Variants in LCORL observed in about 807,000 individuals in gnomAD.
LCORL encodes the protein ligand-dependent nuclear receptor corepressor-like protein.
LCORL carries 41 observed loss-of-function variants against 141.8 expected under a neutral mutation model. The ratio of observed to expected loss-of-function variants is 0.29; its 90% CI spans 0.23 to 0.38. LCORL has a LOEUF of 0.38. LCORL is among the 10% of genes least tolerant of loss of function. The probability of loss-of-function intolerance (pLI) is 1.00; values close to 1 mark genes in which losing one functional copy is unlikely to be tolerated. For synonymous variants in LCORL, 618 were observed against 694.1 expected, an observed-to-expected ratio of 0.89 and a Z score of 1.72; for missense variants, 1,759 against 2,035.0, an observed-to-expected ratio of 0.86 and a Z score of 2.61.
At chr4:17,841,487 T>C (rs549726590) in exon 8 of LCORL, 1 of 152,066 alleles carries the variant, frequency 6.6e-6, no homozygotes, top group African/African-American at 2.4e-5. Flanking sequence ...GATGTTTTCT[T>C]GGGGATAAAT....
At chr4:17,936,956 C>G (rs1736967431) in intron 4 of LCORL, among the ~76,000 whole-genome samples, 1 of 152,178 alleles carries the variant, frequency 6.6e-6, no homozygotes, top group South Asian at 2.1e-4. Context: ...GCTCAATAGT[C>G]ATGGGTCATT....
chr4:18,010,195 T>C (rs981157053), intron 1 of LCORL, among the ~76,000 whole-genome samples: 1 of 152,118 alleles, frequency 6.6e-6, no homozygotes, highest in African/African-American at 2.4e-5. Flanking sequence ...AAAATTATAA[T>C]ACAGAAGAGA....
chr4:17,997,007 CAACT>C (rs1721021297), intron 1 of LCORL, among the ~76,000 whole-genome samples: 1 of 152,162 alleles, frequency 6.6e-6, no homozygotes, highest in South Asian at 2.1e-4. Flanking sequence ...TTATAAGAAA[CAACT>C]AACCCATGAC....
chr4:17,891,008 C>T (rs182054616), intron 5 of LCORL, among the ~76,000 whole-genome samples: 1 of 152,200 alleles, frequency 6.6e-6, no homozygotes, highest in Admixed American at 6.5e-5. Flanking sequence ...TGGCCTTTTG[C>T]TATTCTCCTC....
chr4:17,958,005 C>A (rs1169771533), intron 4 of LCORL, among the ~76,000 whole-genome samples: 1 of 151,914 alleles, frequency 6.6e-6, no homozygotes, highest in African/African-American at 2.4e-5. Flanking sequence ...ATTACTTTAT[C>A]ATCAGTCATA....
chr4:17,871,621 G>A (rs577057610), intron 7 of LCORL, among the ~76,000 whole-genome samples: 1 of 152,044 alleles, frequency 6.6e-6, no homozygotes, highest in Non-Finnish European at 1.5e-5. Flanking sequence ...AGCATGATAT[G>A]AGGATGATAT....
chr4:17,934,840 A>C lies in LCORL; in HGVS notation c.431-25495T>G, dbSNP rs1435186771. On this transcript the variant is annotated intron_variant, in intron 4 of 7. Coordinates refer to ENST00000635767, the Ensembl canonical transcript of LCORL. ...TAAAACTGTTTTTCTTCATAGACTAAAAGCATTCACGAAACATGGTATCAA... is the reference window on the plus strand; with the variant it reads ...TAAAACTGTTTTTCTTCATAGACTACAAGCATTCACGAAACATGGTATCAA... 5.9e-5 allele frequency among the ~76,000 whole-genome samples: 9 copies of C among 152,320 alleles called. No individual in the cohort carries two copies. In the South Asian group the frequency reaches 6.2e-4, roughly 11 times the overall value.
chr4:18,000,828 G>T (rs1053868946), intron 1 of LCORL, among the ~76,000 whole-genome samples: 29 of 152,174 alleles, frequency 1.9e-4, no homozygotes, highest in African/African-American at 6.5e-4. Context: ...TCTTGATCTG[G>T]TGGTGGTTAT....
intron 6 of LCORL, among the ~76,000 whole-genome samples, chr4:17,880,022 T>C (rs1479609579): frequency 2.0e-5 from 3 of 151,056 alleles, no homozygotes; most frequent in African/African-American, 7.3e-5. Context: ...ACCACTGCTT[T>C]TTATATCCCT....
At chr4:17,954,576 C>A (rs1288611670) in intron 4 of LCORL, among the ~76,000 whole-genome samples, 3 of 94,204 alleles carry the variant, frequency 3.2e-5, no homozygotes, top group Non-Finnish European at 4.6e-5. Flanking sequence ...GCATAGAAAG[C>A]TGAATTGGTA....
At chr4:17,896,210 T>C (rs1240123975) in intron 5 of LCORL, among the ~76,000 whole-genome samples, 1 of 152,206 alleles carries the variant, frequency 6.6e-6, no homozygotes, top group Non-Finnish European at 1.5e-5. Flanking sequence ...TTGTATCTTT[T>C]AGATTCTAGC....
intron 7 of LCORL, among the ~76,000 whole-genome samples, chr4:17,853,894 TA>T (rs137986930): frequency 0.21 from 31,257 of 151,996 alleles, 3,774 homozygotes; most frequent in African/African-American, 0.33. Context: ...TAGGAGTATT[TA>T]AAAAAAGTGA....
At chr4:17,941,683 T>C (rs1737985875) in intron 4 of LCORL, among the ~76,000 whole-genome samples, 1 of 152,126 alleles carries the variant, frequency 6.6e-6, no homozygotes, top group Non-Finnish European at 1.5e-5. Context: ...CACTTAAGTA[T>C]TGTAATTGAA....
At chr4:17,926,008 T>C (rs1735082437) in intron 4 of LCORL, among the ~76,000 whole-genome samples, 1 of 152,198 alleles carries the variant, frequency 6.6e-6, no homozygotes, top group Non-Finnish European at 1.5e-5. Flanking sequence ...ATATCGGCAT[T>C]GAAGTGCTGT....
chr4:17,943,829 A>C (rs1738386089), intron 4 of LCORL, among the ~76,000 whole-genome samples: 1 of 152,194 alleles, frequency 6.6e-6, no homozygotes, highest in Admixed American at 6.5e-5. Context: ...TAAGGGGTAC[A>C]GACACATTAT....
At chr4:17,941,167 G>A (rs992666893) in intron 4 of LCORL, among the ~76,000 whole-genome samples, 2 of 152,148 alleles carry the variant, frequency 1.3e-5, no homozygotes, top group South Asian at 2.1e-4. Flanking sequence ...ACGAGGTCAG[G>A]AGATCAAGAC....
At chr4:18,003,402 G>A (rs1423572372) in intron 1 of LCORL, among the ~76,000 whole-genome samples, 1 of 151,152 alleles carries the variant, frequency 6.6e-6, no homozygotes, top group Non-Finnish European at 1.5e-5. Flanking sequence ...AGGAAGATAA[G>A]TAAAAGATTA....
intron 1 of LCORL, among the ~76,000 whole-genome samples, chr4:17,981,274 A>G (rs1467749402): frequency 6.6e-6 from 1 of 152,132 alleles, no homozygotes; most frequent in Non-Finnish European, 1.5e-5. Context: ...TTACTACAAT[A>G]AATATTGCAT....
chr4:18,000,227 G>A (rs1233207060), intron 1 of LCORL, among the ~76,000 whole-genome samples: 1 of 151,080 alleles, frequency 6.6e-6, no homozygotes, highest in Non-Finnish European at 1.5e-5. Context: ...TAGGGAAGGG[G>A]AAAATATGGT....
Sources: allele counts gnomAD v4.1 joint callset (sites outside exome capture counted in the v4.1 genomes callset), GRCh38; gene constraint gnomAD v4.1.1; transcripts MANE v1.5; gene names NCBI Gene and HGNC (gene_info 2026-07-23, HGNC 2026-07-21).